CNTN4: variants seen among roughly 807,000 people sequenced by gnomAD.
The protein encoded by CNTN4 is contactin-4.
Under a neutral mutation model 122.5 loss-of-function variants are expected in CNTN4, and 77 were observed. That is an observed-to-expected ratio of 0.63 (90% CI 0.52 to 0.76). CNTN4 has a LOEUF of 0.76. Among genes scored for constraint, CNTN4 ranks in the 30% least tolerant of loss-of-function variants. The pLI is 0.00. For missense variants in CNTN4, 1,256 were observed against 1,259.1 expected (o/e 1.00, Z 0.04); for synonymous variants, 512 against 447.0 (o/e 1.15, Z -1.83).
intron 12 of CNTN4, among the ~76,000 whole-genome samples, chr3:2,924,212 T>A (rs972586853): frequency 6.6e-6 from 1 of 152,184 alleles, no homozygotes; most frequent in African/African-American, 2.4e-5. Context: ...AACAAAAGAA[T>A]GTAATCAAGA....
Position 3,056,406 on chromosome 3 carries a change from A to T in CNTN4, c.*186A>T, listed in dbSNP as rs1174089346. On this transcript the variant is annotated 3_prime_UTR_variant, in exon 25 of 25. Transcript: ENST00000418658. ...TCAAAGCAAATCTAGCTTTGTCTGA[A>T]GTTTCTTTGGAAACTCTGCAATGCA... 1.7e-6 allele frequency: 1 copy of T among 576,124 alleles called. No homozygotes were observed. The highest frequency in any genetic ancestry group is 4.7e-4 in the Middle Eastern group (1 of 2,124). The allele number at this position is 576,124 out of a possible 1,614,324, so 35.7% of individuals were successfully genotyped here. A position where few individuals can be genotyped will look rare whatever the true frequency, so the allele number is the denominator to read the frequency against.
At chr3:2,410,532 T>C (rs1298174610) in intron 3 of CNTN4, among the ~76,000 whole-genome samples, 1 of 152,218 alleles carries the variant, frequency 6.6e-6, no homozygotes, top group Non-Finnish European at 1.5e-5. Flanking sequence ...AGAGGATATT[T>C]GAAGATAACT....
intron 4 of CNTN4, among the ~76,000 whole-genome samples, chr3:2,602,257 A>T (rs932890514): frequency 6.6e-6 from 1 of 152,204 alleles, no homozygotes; most frequent in Admixed American, 6.5e-5. Flanking sequence ...ATCAGGCAGG[A>T]GAAAGAAATA....
chr3:2,109,538 A>G (rs1267899743), intron 2 of CNTN4, among the ~76,000 whole-genome samples: 5 of 152,104 alleles, frequency 3.3e-5, no homozygotes, highest in African/African-American at 1.2e-4. Context: ...TATGCCTTTC[A>G]GTTTTGTCAT....
chr3:2,941,305 A>C (rs750288841), intron 13 of CNTN4, among the ~76,000 whole-genome samples: 1 of 151,978 alleles, frequency 6.6e-6, no homozygotes, highest in Non-Finnish European at 1.5e-5. Flanking sequence ...CTCTCCAGGC[A>C]ATCTCCTCCC....
intron 3 of CNTN4, among the ~76,000 whole-genome samples, chr3:2,460,383 A>G (rs1052836191): frequency 6.6e-6 from 1 of 151,970 alleles, no homozygotes; most frequent in Non-Finnish European, 1.5e-5. Context: ...TTATTCTGGA[A>G]CTCCCAGACA....
intron 2 of CNTN4, among the ~76,000 whole-genome samples, chr3:2,201,825 T>C (rs1462386762): frequency 6.6e-6 from 1 of 152,184 alleles, no homozygotes; most frequent in Non-Finnish European, 1.5e-5. Context: ...TATTATATGA[T>C]AGATTTTATC....
At chr3:2,916,134 T>C (rs1322884551) in intron 12 of CNTN4, among the ~76,000 whole-genome samples, 2 of 152,242 alleles carry the variant, frequency 1.3e-5, no homozygotes, top group Non-Finnish European at 2.9e-5. Context: ...AATACTACTG[T>C]ACTGTACATG....
chr3:2,748,801 T>C (rs1006759591), intron 6 of CNTN4, among the ~76,000 whole-genome samples: 6 of 152,244 alleles, frequency 3.9e-5, no homozygotes, highest in Non-Finnish European at 5.9e-5. Flanking sequence ...GAGTAATCTT[T>C]TAAAAAATGT....
At chr3:2,396,291 C>T (rs898365498) in intron 3 of CNTN4, among the ~76,000 whole-genome samples, 3 of 152,164 alleles carry the variant, frequency 2.0e-5, no homozygotes, top group African/African-American at 7.2e-5. Flanking sequence ...TTCCAAAGTG[C>T]TGGGATTACA....
intron 3 of CNTN4, among the ~76,000 whole-genome samples, chr3:2,483,312 C>T (rs1461350072): frequency 6.6e-6 from 1 of 152,200 alleles, no homozygotes; most frequent in East Asian, 1.9e-4. Context: ...CGTATTTACC[C>T]AATATCTGTA....
At chr3:2,760,393 ATTCT>A (rs1394620960) in intron 6 of CNTN4, among the ~76,000 whole-genome samples, 1 of 151,706 alleles carries the variant, frequency 6.6e-6, no homozygotes, top group Non-Finnish European at 1.5e-5. Context: ...TTTTTTTCAG[ATTCT>A]TTCTTTTGCA....
intron 7 of CNTN4, among the ~76,000 whole-genome samples, chr3:2,848,500 G>C: frequency 6.6e-6 from 1 of 152,206 alleles, no homozygotes; most frequent in Non-Finnish European, 1.5e-5. Context: ...TCAGTGCTAT[G>C]TCTGTTGTTT....
chr3:2,791,154 TCA>T (rs1473812387), intron 6 of CNTN4, among the ~76,000 whole-genome samples: 4 of 152,192 alleles, frequency 2.6e-5, no homozygotes, highest in African/African-American at 7.2e-5. Context: ...ATCATGTAAC[TCA>T]CAAGATTACT....
chr3:2,449,233 C>T (rs1230606237), intron 3 of CNTN4, among the ~76,000 whole-genome samples: 1 of 152,114 alleles, frequency 6.6e-6, no homozygotes, highest in Non-Finnish European at 1.5e-5. Context: ...TTTCATCAAC[C>T]ACTGATAGGT....
At chr3:2,665,464 C>G (rs1388276819) in intron 4 of CNTN4, among the ~76,000 whole-genome samples, 1 of 152,134 alleles carries the variant, frequency 6.6e-6, no homozygotes, top group Non-Finnish European at 1.5e-5. Flanking sequence ...AGCAATAAAG[C>G]TACAAAAAGA....
intron 2 of CNTN4, among the ~76,000 whole-genome samples, chr3:2,153,610 G>A (rs989200250): frequency 2.6e-5 from 4 of 152,168 alleles, no homozygotes; most frequent in Admixed American, 6.5e-5. Context: ...TGAAACAATG[G>A]CCTCCTCACA....
At chr3:2,472,008 G>A (rs2075699603) in intron 3 of CNTN4, among the ~76,000 whole-genome samples, 2 of 152,014 alleles carry the variant, frequency 1.3e-5, no homozygotes, top group African/African-American at 4.8e-5. Context: ...AACAAGAGAA[G>A]GACTCTTGAG....
At chr3:2,220,946 A>G (rs950231317) in intron 2 of CNTN4, among the ~76,000 whole-genome samples, 2 of 152,134 alleles carry the variant, frequency 1.3e-5, no homozygotes, top group Non-Finnish European at 2.9e-5. Context: ...TGTCCATTTT[A>G]TGAAAGGACA....
Sources: gnomAD v4.1 joint callset for allele counts (sites outside exome capture counted in the v4.1 genomes callset) on GRCh38, gnomAD v4.1.1 for gene constraint, MANE v1.5 for transcripts, NCBI Gene and HGNC (gene_info 2026-07-23, HGNC 2026-07-21) for gene names.